Variants in ARMH4 observed in about 807,000 individuals in gnomAD.
ARMH4 encodes the protein armadillo like helical domain containing 4, also known as armadillo-like helical domain-containing protein 4.
ARMH4 carries 49 observed loss-of-function variants against 61.9 expected under a neutral mutation model. The observed-to-expected ratio is 0.79, with a 90% confidence interval of 0.63 to 1.00. ARMH4 has a LOEUF of 1.00. ARMH4 is among the 50% of genes least tolerant of loss of function. The pLI, the probability that ARMH4 is intolerant of heterozygous loss-of-function variation, is 0.00. For synonymous variants in ARMH4, 368 were observed against 341.5 expected (o/e 1.08, Z -0.85); for missense variants, 934 against 930.0 (o/e 1.00, Z -0.06).
chr14:58,086,960 C>G (rs1885405369), intron 5 of ARMH4, among the ~76,000 whole-genome samples: 1 of 151,996 alleles, frequency 6.6e-6, no homozygotes, highest in Non-Finnish European at 1.5e-5. Context: ...TGATAGAGGT[C>G]TCAGACAGAG....
intron 4 of ARMH4, chr14:58,101,238 T>C (rs571645717): frequency 6.6e-6 from 1 of 152,408 alleles, no homozygotes; most frequent in African/African-American, 2.4e-5. Flanking sequence ...GTATCAGGTC[T>C]CCAAGAAGCA....
chr14:58,131,023 G>A lies in ARMH4; in HGVS notation c.1831+489C>T, dbSNP rs975535422. Among the ~76,000 whole-genome samples the A allele has an allele frequency of 1.3e-5, 2 of 152,278 alleles. 1 individual carries two copies. The highest frequency in any genetic ancestry group is 6.8e-3 in the Middle Eastern group (2 of 294). On this transcript the variant is annotated intron_variant, in intron 4 of 7. Coordinates refer to ENST00000267485, the MANE Select transcript of ARMH4 (RefSeq NM_001001872.4). ...CTGGGATGTTTCAAAAGCTCTCCAA[G>A]GTATTTCTAATGGTCAACTATAGTT... is the stretch of plus-strand genomic sequence containing the variant.
intron 5 of ARMH4, among the ~76,000 whole-genome samples, chr14:58,050,746 T>C (rs553206909): frequency 7.2e-5 from 11 of 152,282 alleles, no homozygotes; most frequent in African/African-American, 2.6e-4. Context: ...GTTAAGTATA[T>C]GCATTGTTGT....
chr14:58,065,156 T>C (rs1884663526), intron 5 of ARMH4, among the ~76,000 whole-genome samples: 1 of 152,074 alleles, frequency 6.6e-6, no homozygotes, highest in Non-Finnish European at 1.5e-5. Flanking sequence ...GCAGAAGAAT[T>C]GCTTGAAACT....
chr14:58,150,128 T>C (rs887371261), intron 1 of ARMH4, among the ~76,000 whole-genome samples: 4 of 152,186 alleles, frequency 2.6e-5, no homozygotes, highest in Admixed American at 2.6e-4. Context: ...GACATATCAT[T>C]TCTGGTTTTT....
chr14:58,071,667 T>C (rs1029324429), intron 5 of ARMH4, among the ~76,000 whole-genome samples: 5 of 152,210 alleles, frequency 3.3e-5, no homozygotes, highest in Non-Finnish European at 5.9e-5. Flanking sequence ...ATCTTTCATA[T>C]ATCATATGCT....
At chr14:58,109,726 A>C (rs1886286152) in intron 4 of ARMH4, among the ~76,000 whole-genome samples, 1 of 152,164 alleles carries the variant, frequency 6.6e-6, no homozygotes, top group Admixed American at 6.5e-5. Context: ...TTATTACTTC[A>C]TTCTATTTTC....
At chr14:58,077,967 C>A (rs186295477) in intron 5 of ARMH4, among the ~76,000 whole-genome samples, 8 of 152,316 alleles carry the variant, frequency 5.3e-5, no homozygotes, top group Non-Finnish European at 8.8e-5. Flanking sequence ...CATGTAGACT[C>A]AATGGACAGA....
At chr14:58,059,903 TACAGCTCC>T (rs931644525) in intron 5 of ARMH4, among the ~76,000 whole-genome samples, 7 of 152,194 alleles carry the variant, frequency 4.6e-5, no homozygotes, top group Non-Finnish European at 1.0e-4. Flanking sequence ...CTCTTGTGAC[TACAGCTCC>T]AGATTTCAAG....
chr14:58,067,933 T>C (rs749689894), intron 5 of ARMH4, among the ~76,000 whole-genome samples: 6 of 152,182 alleles, frequency 3.9e-5, no homozygotes, highest in Admixed American at 6.5e-5. Flanking sequence ...TGAAAGAGAG[T>C]GTCACATTTC....
chr14:58,053,908 T>C (rs1242389074), intron 5 of ARMH4, among the ~76,000 whole-genome samples: 3 of 152,224 alleles, frequency 2.0e-5, no homozygotes, highest in African/African-American at 4.8e-5. Flanking sequence ...TTCTATACCA[T>C]ACAGTGCTTA....
Position 58,138,363 on chromosome 14 carries a change from G to A in ARMH4, c.996C>T (p.Asp332=), listed in dbSNP as rs1275589236. 6.2e-7 allele frequency: 1 copy of A among 1,614,056 alleles called. No individual in the cohort carries two copies. The highest frequency in any genetic ancestry group is 8.5e-7 in the Non-Finnish European group (1 of 1,180,052). The part of the protein sequence containing the change: ...VSRIRTPKLG[D]NEETQVRTEM... ...CCGTTCTCACCTGAGTCTCTTCATT[G>A]TCTCCAAGCTTGGGGGTCCTTATCC... is the stretch of plus-strand genomic sequence containing the variant. Residue 332 remains aspartate, a synonymous_variant, in exon 2 of 8, where the codon GAC becomes GAT. Coordinates refer to ENST00000267485, the MANE Select transcript of ARMH4 (RefSeq NM_001001872.4).
At chr14:58,130,656 T>G (rs1243797867) in intron 4 of ARMH4, among the ~76,000 whole-genome samples, 1 of 152,236 alleles carries the variant, frequency 6.6e-6, no homozygotes, top group Non-Finnish European at 1.5e-5. Flanking sequence ...TTCTTTTACA[T>G]GCTCAAAGCC....
chr14:58,112,858 C>T (rs1016472960), intron 4 of ARMH4, among the ~76,000 whole-genome samples: 1 of 152,126 alleles, frequency 6.6e-6, no homozygotes, highest in Non-Finnish European at 1.5e-5. Context: ...AATTTTGTTC[C>T]TTTGTAGGTA....
intron 5 of ARMH4, among the ~76,000 whole-genome samples, chr14:58,077,658 AC>A (rs1251559285): frequency 2.6e-5 from 4 of 152,114 alleles, no homozygotes; most frequent in African/African-American, 7.2e-5. Context: ...TGGCAAGAAC[AC>A]TCTGTATGGG....
chr14:58,061,926 C>A (rs1884543659), intron 5 of ARMH4, among the ~76,000 whole-genome samples: 1 of 151,712 alleles, frequency 6.6e-6, no homozygotes, highest in African/African-American at 2.4e-5. Context: ...TATGTTATCT[C>A]ATTTACTCCT....
chr14:58,119,262 C>A (rs1886637974), intron 4 of ARMH4, among the ~76,000 whole-genome samples: 1 of 152,110 alleles, frequency 6.6e-6, no homozygotes, highest in Non-Finnish European at 1.5e-5. Flanking sequence ...AGTCCGATGG[C>A]AAAACAACTT....
intron 1 of ARMH4, among the ~76,000 whole-genome samples, chr14:58,146,157 G>C (rs1384293964): frequency 1.3e-5 from 2 of 152,202 alleles, no homozygotes; most frequent in Admixed American, 6.5e-5. Flanking sequence ...TGGCACAGAA[G>C]AAATGCTCAG....
intron 4 of ARMH4, among the ~76,000 whole-genome samples, chr14:58,114,510 G>C (rs934115104): frequency 2.0e-5 from 3 of 152,042 alleles, no homozygotes; most frequent in African/African-American, 7.2e-5. Context: ...TAGTCATTTT[G>C]CTATGTCAAG....
Sources: allele counts gnomAD v4.1 joint callset (sites outside exome capture counted in the v4.1 genomes callset), GRCh38; gene constraint gnomAD v4.1.1; transcripts MANE v1.5; gene names NCBI Gene and HGNC (gene_info 2026-07-23, HGNC 2026-07-21).